Variants in NSD3 observed in about 807,000 individuals in gnomAD.
The protein encoded by NSD3 is histone-lysine N-methyltransferase NSD3.
In NSD3, 24 loss-of-function variants were observed where a neutral mutation model predicts 160.8. That is an observed-to-expected ratio of 0.15 (90% CI 0.11 to 0.21). The LOEUF is 0.21. Ranked by LOEUF, NSD3 falls within the 10% of genes least tolerant of loss-of-function variation. The pLI, the probability that NSD3 is intolerant of heterozygous loss-of-function variation, is 1.00. For synonymous variants in NSD3, 520 were observed against 600.0 expected, an observed-to-expected ratio of 0.87 and a Z score of 1.95; for missense variants, 1,157 against 1,735.9, an observed-to-expected ratio of 0.67 and a Z score of 5.93.
chr8:38,357,414 T>C (rs1360054165), intron 1 of NSD3, among the ~76,000 whole-genome samples: 1 of 152,204 alleles, frequency 6.6e-6, no homozygotes, highest in Non-Finnish European at 1.5e-5. Flanking sequence ...AAGTCATTTT[T>C]GTACTCTAGT....
intron 2 of NSD3, among the ~76,000 whole-genome samples, chr8:38,345,705 G>GT (rs1810503191): frequency 6.6e-6 from 1 of 151,696 alleles, no homozygotes; most frequent in Non-Finnish European, 1.5e-5. Context: ...GAGGTCGGGA[G>GT]TTTGAGACCA....
rs1269427131 is a variant in NSD3 at position 38,295,809 on chromosome 8, A to G, written c.2902T>C (p.Leu968=). 3 of 1,612,542 alleles carry G rather than the reference A, an allele frequency of 1.9e-6. No homozygotes were observed. The highest frequency in any genetic ancestry group is 1.3e-5 in the African/African-American group (1 of 74,894). Residue 968 remains leucine, a synonymous_variant, in exon 16 of 24, where the codon TTG becomes CTG. Coordinates refer to ENST00000317025, the MANE Select transcript of NSD3 (RefSeq NM_023034.2). The part of the protein sequence containing the change: ...LHYKQIVWVK[L]GNYRWWPAEI... The stretch of plus-strand genomic sequence containing the variant: ...GGAAAAACTTGCCTGTAATTTCCCA[A>G]TTTGACCCAAACAATCTGCTTGTAA...
chr8:38,337,981 C>T (rs928656570), intron 3 of NSD3, among the ~76,000 whole-genome samples: 1 of 152,122 alleles, frequency 6.6e-6, no homozygotes, highest in African/African-American at 2.4e-5. Context: ...GTTTCTGTTG[C>T]CAAATTATTA....
chr8:38,276,508 GA>G lies in NSD3; in HGVS notation c.3868-9del. 6.2e-7 allele frequency: 1 copy of G among 1,613,998 alleles called. No individual in the cohort carries two copies. Among genetic ancestry groups the G allele is most frequent in the Non-Finnish European group, 8.5e-7 (1 of 1,179,926 alleles). ...TGTTGACGCACATGCCGACTGGCAG[GA>G]AAGAAAGGATCATAGTTTCAAACAT... On this transcript the variant is annotated splice_polypyrimidine_tract_variant and intron_variant, in intron 22 of 23. Coordinates refer to ENST00000317025, the MANE Select transcript of NSD3 (RefSeq NM_023034.2).
chr8:38,361,276 G>A (rs899107630), intron 1 of NSD3, among the ~76,000 whole-genome samples: 1 of 129,108 alleles, frequency 7.7e-6, no homozygotes, highest in African/African-American at 3.0e-5. Flanking sequence ...TTACAGTTGT[G>A]AGCCACCACG....
intron 7 of NSD3, among the ~76,000 whole-genome samples, chr8:38,325,237 G>A (rs939272592): frequency 1.3e-5 from 2 of 152,204 alleles, no homozygotes; most frequent in Non-Finnish European, 2.9e-5. Flanking sequence ...GAGATAGTGT[G>A]AGAATCAAAT....
intron 6 of NSD3, among the ~76,000 whole-genome samples, chr8:38,328,828 G>A (rs562029168): frequency 6.9e-4 from 105 of 152,268 alleles, no homozygotes; most frequent in African/African-American, 2.4e-3. Flanking sequence ...TGTAGAGGCT[G>A]TTTTTACCCC....
chr8:38,298,295 C>G lies in NSD3; in HGVS notation c.2758+1149G>C, dbSNP rs546099738. Among the ~76,000 whole-genome samples, 6 of 152,244 alleles carry G rather than the reference C, an allele frequency of 3.9e-5. No homozygotes were observed. The East Asian group carries it at 1.2e-3, about 29-fold the overall frequency. ...TTATGGAGTAAGTCAAACCTATGTT[C>G]ATTTTTTTGTTTTGGAAGTAGGCAG... On this transcript the variant is annotated intron_variant, in intron 15 of 23. Coordinates refer to ENST00000317025, the MANE Select transcript of NSD3 (RefSeq NM_023034.2).
chr8:38,303,240 T>A lies in NSD3; in HGVS notation c.2611+1347A>T, dbSNP rs1358043980. 10 of 985,258 alleles carry A rather than the reference T, an allele frequency of 1.0e-5. No homozygotes were observed. In the African/African-American group the frequency reaches 1.0e-4, roughly 10 times the overall value. 61.0% of individuals were successfully genotyped at this position (985,258 alleles called of 1,614,324 possible). A position where few individuals can be genotyped will look rare whatever the true frequency, so the allele number is the denominator to read the frequency against. ...AACTGATAATACAATAATTTTTTCTTCTAATCATTACTTTCTTAGGAATGC... is the reference window on the plus strand; with the variant it reads ...AACTGATAATACAATAATTTTTTCTACTAATCATTACTTTCTTAGGAATGC... On this transcript the variant is annotated intron_variant, in intron 14 of 23. Coordinates refer to ENST00000317025, the MANE Select transcript of NSD3 (RefSeq NM_023034.2).
At chr8:38,361,033 A>AT (rs899363881) in intron 1 of NSD3, among the ~76,000 whole-genome samples, 27 of 150,680 alleles carry the variant, frequency 1.8e-4, no homozygotes, top group East Asian at 9.7e-4. Flanking sequence ...AGGAGAAATA[A>AT]TTTTTTTTTT....
intron 22 of NSD3, 80 bp from the exon 23 acceptor site, chr8:38,276,580 G>A: frequency 2.0e-6 from 3 of 1,463,544 alleles, no homozygotes; most frequent in Non-Finnish European, 2.8e-6. Flanking sequence ...CTGCAACCTT[G>A]CATTCATTTA....
intron 14 of NSD3, chr8:38,303,165 A>G (rs1438358286): frequency 9.9e-6 from 9 of 912,480 alleles, no homozygotes; most frequent in Non-Finnish European, 1.2e-5. Context: ...AAGAGACTTT[A>G]TGTTATCACT....
At chr8:38,283,110 C>T (rs1056306208) in intron 19 of NSD3, among the ~76,000 whole-genome samples, 1 of 152,170 alleles carries the variant, frequency 6.6e-6, no homozygotes, top group Non-Finnish European at 1.5e-5. Context: ...ACTTTCTCCA[C>T]GTCCTGTCTG....
chr8:38,356,879 G>A (rs900068134), intron 1 of NSD3, among the ~76,000 whole-genome samples: 2 of 151,866 alleles, frequency 1.3e-5, no homozygotes, highest in African/African-American at 4.8e-5. Flanking sequence ...AGCACTTTGG[G>A]AGGGTGAGGT....
At chr8:38,363,559 T>C (rs911952311) in intron 1 of NSD3, among the ~76,000 whole-genome samples, 1 of 149,834 alleles carries the variant, frequency 6.7e-6, no homozygotes, top group Non-Finnish European at 1.5e-5. Flanking sequence ...GGAGAATCAC[T>C]TGAACCTGAG....
In NSD3 at chr8:38,316,143, AG is replaced by A; in HGVS notation, c.1856-102del. 2 of 1,480,544 alleles carry A rather than the reference AG, an allele frequency of 1.4e-6. No homozygotes were observed. Among genetic ancestry groups the A allele is most frequent in the Admixed American group, 2.0e-5 (1 of 48,934 alleles). 91.7% of individuals were successfully genotyped at this position (1,480,544 alleles called of 1,614,324 possible). ...ATTTTCTTTTCTCAAACTCATCTTTAGTGTGGAAAAAGCATAGCTCTCTTTG... is the reference window on the plus strand; with the variant it reads ...ATTTTCTTTTCTCAAACTCATCTTTATGTGGAAAAAGCATAGCTCTCTTTG... On this transcript the variant is annotated intron_variant, in intron 9 of 23. Coordinates refer to ENST00000317025, the MANE Select transcript of NSD3 (RefSeq NM_023034.2). The surrounding 1 kb of genome is among the most constrained non-coding windows in gnomAD (Gnocchi z 4.5).
In NSD3 at chr8:38,278,330, A is replaced by G. The variant is rs1363696793; in HGVS notation, c.3843T>C (p.Ser1281=). 2 of 1,613,976 alleles carry G rather than the reference A, an allele frequency of 1.2e-6. No homozygotes were observed. Among genetic ancestry groups the G allele is most frequent in the South Asian group, 2.2e-5 (2 of 91,034 alleles). The change falls in exon 22 of 24, where the codon AGT becomes AGC. Residue 1281 remains serine (S), a synonymous_variant. Transcript: ENST00000317025. The stretch of plus-strand genomic sequence containing the variant: ...CCTTTGGCCGCACTCCTAGAAAACC[A>G]CTGCAGTTATCTGCTCCACAGTGGC... ...TECHCGADNC[S]GFLGVRPKSA... is the part of the protein sequence containing the mutation.
chr8:38,355,841 A>T (rs1005158046), intron 1 of NSD3, among the ~76,000 whole-genome samples: 5 of 152,186 alleles, frequency 3.3e-5, no homozygotes, highest in Non-Finnish European at 7.3e-5. Context: ...TTCACAGAAC[A>T]CCCCTTTGAG....
Position 38,337,462 on chromosome 8 carries a change from C to T in NSD3, c.753G>A (p.Gln251=), listed in dbSNP as rs966181536. 8.2e-6 allele frequency: 13 copies of T among 1,578,052 alleles called. No individual in the cohort carries two copies. The highest frequency in any genetic ancestry group is 7.7e-6 in the Non-Finnish European group (9 of 1,166,338). The part of the protein sequence containing the change: ...EPVLKEEAPV[Q]PILSSVPTTE... ...TTGTTGGAACAGAAGATAGTATTGG[C>T]TGAACCTACAGGAAAGGGTCAAAAA... The change falls in exon 4 of 24, where the codon CAG becomes CAA. Residue 251 remains glutamine (Q), a synonymous_variant. Coordinates refer to ENST00000317025, the MANE Select transcript of NSD3 (RefSeq NM_023034.2).
Sources: gnomAD v4.1 joint callset for allele counts (sites outside exome capture counted in the v4.1 genomes callset) on GRCh38, gnomAD v4.1.1 for gene constraint, Gnocchi (gnomAD v3.1) non-coding constraint, MANE v1.5 for transcripts, NCBI Gene and HGNC (gene_info 2026-07-23, HGNC 2026-07-21) for gene names.